Variants in SSX2IP observed in about 807,000 individuals in gnomAD.
The protein encoded by SSX2IP is afadin- and alpha-actinin-binding protein.
A neutral mutation model predicts 84.9 loss-of-function variants in SSX2IP; 55 were observed. The ratio of observed to expected loss-of-function variants is 0.65; its 90% CI spans 0.52 to 0.81. SSX2IP has a LOEUF of 0.81. Among genes scored for constraint, SSX2IP ranks in the 30% least tolerant of loss-of-function variants. SSX2IP has a pLI of 0.00. For synonymous variants in SSX2IP, 239 were observed against 234.7 expected, an observed-to-expected ratio of 1.02 and a Z score of -0.17; for missense variants, 664 against 705.2, an observed-to-expected ratio of 0.94 and a Z score of 0.66.
intron 11 of SSX2IP, chr1:84,655,173 A>G (rs934330885): frequency 5.4e-5 from 15 of 278,330 alleles, no homozygotes; most frequent in African/African-American, 3.4e-4. Context: ...GAAATACATT[A>G]AAAGTTAAAA....
chr1:84,672,486 T>C (rs1180236070), intron 1 of SSX2IP, among the ~76,000 whole-genome samples: 1 of 152,182 alleles, frequency 6.6e-6, no homozygotes, highest in South Asian at 2.1e-4. Flanking sequence ...TGAGTGAGTC[T>C]GGGGTGCCAA....
Position 84,650,438 on chromosome 1 carries a change from T to C in SSX2IP, c.1594A>G (p.Lys532Glu), listed in dbSNP as rs1650050784. ...GAAGCAGGAAGAGATTTAGTAAGTTTAGACATGCAAACTGGAGACCCATTA... is the reference window on the plus strand; with the variant it reads ...GAAGCAGGAAGAGATTTAGTAAGTTCAGACATGCAAACTGGAGACCCATTA... ...VSNGSPVCMS[K>E]LTKSLPASPS... Residue 532 changes from lysine to glutamate, a missense_variant, in exon 13 of 14, where the codon AAA (lysine) becomes GAA (glutamate). Coordinates refer to ENST00000342203, the MANE Select transcript of SSX2IP (RefSeq NM_001166293.2). 2 of 1,614,078 alleles carry C rather than the reference T, an allele frequency of 1.2e-6. No homozygotes were observed. Among genetic ancestry groups the C allele is most frequent in the African/African-American group, 1.3e-5 (1 of 74,928 alleles).
rs1652755710 is a variant in SSX2IP, at chr1:84,666,207, T to G, written c.452A>C (p.Glu151Ala). 1 of 1,612,368 alleles carries G rather than the reference T, an allele frequency of 6.2e-7. No homozygotes were observed. Among genetic ancestry groups the G allele is most frequent in the Non-Finnish European group, 8.5e-7 (1 of 1,179,232 alleles). ...GTCTCTTTCCTGAAGCCCAATCATTTCCCTCCTGGAGGTTTCCAGTTGTTC... is the reference window on the plus strand; with the variant it reads ...GTCTCTTTCCTGAAGCCCAATCATTGCCCTCCTGGAGGTTTCCAGTTGTTC... ...LKEQLETSRREMIGLQERDRQ... is the reference protein window; with the variant it reads ...LKEQLETSRRAMIGLQERDRQ... Residue 151 changes from glutamate to alanine, a missense_variant, in exon 5 of 14, where the codon GAA becomes GCA. Physicochemically the swap from Glu to Ala is moderately radical, Grantham distance 107 (BLOSUM62 -1). Coordinates refer to ENST00000342203, the MANE Select transcript of SSX2IP (RefSeq NM_001166293.2).
At chr1:84,663,509 T>C (rs1261310812) in intron 6 of SSX2IP, among the ~76,000 whole-genome samples, 1 of 152,224 alleles carries the variant, frequency 6.6e-6, no homozygotes, top group Non-Finnish European at 1.5e-5. Flanking sequence ...TTACTGAATC[T>C]TCATTTCTAT....
At chr1:84,670,441 C>CA (rs1653403436) in intron 3 of SSX2IP, 2 of 336,818 alleles carry the variant, frequency 5.9e-6, no homozygotes, top group Non-Finnish European at 1.1e-5. Context: ...GCCCCTGGGA[C>CA]AATGAGGAGG....
chr1:84,686,070 G>A (rs550878065), intron 1 of SSX2IP, among the ~76,000 whole-genome samples: 1 of 152,250 alleles, frequency 6.6e-6, no homozygotes, highest in South Asian at 2.1e-4. Flanking sequence ...CTTAATGCTT[G>A]CAAAATAAGT....
chr1:84,653,549 T>C (rs1007074594), intron 11 of SSX2IP, among the ~76,000 whole-genome samples: 13 of 152,136 alleles, frequency 8.5e-5, no homozygotes, highest in Non-Finnish European at 1.5e-4. Context: ...ATATGCAAAG[T>C]AGCAAGAGTA....
intron 13 of SSX2IP, 101 bp from the exon 14 acceptor site, chr1:84,647,708 A>T: frequency 2.2e-6 from 2 of 913,664 alleles, no homozygotes; most frequent in Non-Finnish European, 3.0e-6. Context: ...GTTCCTTTTA[A>T]TTCTAAAAAT....
At chr1:84,687,387 C>T (rs1462511486) in intron 1 of SSX2IP, among the ~76,000 whole-genome samples, 4 of 152,176 alleles carry the variant, frequency 2.6e-5, no homozygotes, top group African/African-American at 9.7e-5. Context: ...ATCTCAGAAT[C>T]CTACATTGCT....
intron 11 of SSX2IP, among the ~76,000 whole-genome samples, chr1:84,652,751 C>G (rs1173576339): frequency 6.6e-6 from 1 of 150,800 alleles, no homozygotes; most frequent in African/African-American, 2.4e-5. Context: ...CACGGCCGGG[C>G]ACGGTGGCTC....
intron 12 of SSX2IP, among the ~76,000 whole-genome samples, chr1:84,651,300 C>T (rs1650212784): frequency 6.6e-6 from 1 of 152,156 alleles, no homozygotes; most frequent in East Asian, 2.0e-4. Flanking sequence ...CAGAGCAAGA[C>T]TACATCTTGA....
At position 84,662,384 on chromosome 1, in the gene SSX2IP, G is replaced by C. The variant is rs370396101; in HGVS notation, c.750-9C>G. 1.0e-4 allele frequency: 167 copies of C among 1,606,726 alleles called. No homozygotes were observed. The highest frequency in any genetic ancestry group is 5.1e-4 in the Admixed American group (30 of 58,676). On this transcript the variant is annotated splice_polypyrimidine_tract_variant and intron_variant, in intron 7 of 13. Coordinates refer to ENST00000342203, the MANE Select transcript of SSX2IP (RefSeq NM_001166293.2). ...ACATTTCATCTTCATTCCTGAGAAA[G>C]AAACTGTCAGTATGAAAATGCAGGA...
Position 84,650,405 on chromosome 1 carries a change from T to C in SSX2IP, c.1627A>G (p.Thr543Ala). ...LTKSLPASPS[T>A]SDFCQTRSCI... ...GAACGTGTCTGGCAAAAGTCTGAAGTGGAAGGTGAAGCAGGAAGAGATTTA... is the reference window on the plus strand; with the variant it reads ...GAACGTGTCTGGCAAAAGTCTGAAGCGGAAGGTGAAGCAGGAAGAGATTTA... The change falls in exon 13 of 14, where the codon ACT (threonine) becomes GCT (alanine). Residue 543 changes from threonine (T) to alanine (A), a missense_variant. By Grantham distance (58) the Thr-to-Ala change is moderately conservative (BLOSUM62 0). Coordinates refer to ENST00000342203, the MANE Select transcript of SSX2IP (RefSeq NM_001166293.2). The C allele has an allele frequency of 6.2e-7, 1 of 1,613,982 alleles. No homozygotes were observed. The highest frequency in any genetic ancestry group is 8.5e-7 in the Non-Finnish European group (1 of 1,179,990).
chr1:84,651,353 T>C (rs1650221039), intron 12 of SSX2IP, among the ~76,000 whole-genome samples: 1 of 152,032 alleles, frequency 6.6e-6, no homozygotes, highest in Admixed American at 6.6e-5. Context: ...CTTCGCATTA[T>C]TACAAACTCA....
rs185554334 is a variant in SSX2IP, at chr1:84,675,323, T to C, written c.-89-4015A>G. On this transcript the variant is annotated intron_variant, in intron 1 of 13. Transcript: ENST00000342203. Reference sequence around the variant, plus strand: ...CCATAGTTACCTTAGGAGAAAAAAGTAAGCAGTGATTCATGTTTTAGTTCA... The same window carrying C: ...CCATAGTTACCTTAGGAGAAAAAAGCAAGCAGTGATTCATGTTTTAGTTCA... Among the ~76,000 whole-genome samples, 106 of 152,292 alleles carry C rather than the reference T, an allele frequency of 7.0e-4. 3 individuals are homozygous for C. In the Middle Eastern group the frequency reaches 0.024, roughly 34 times the overall value.
chr1:84,674,454 C>G (rs1316390193), intron 1 of SSX2IP, among the ~76,000 whole-genome samples: 2 of 152,076 alleles, frequency 1.3e-5, no homozygotes, highest in Non-Finnish European at 2.9e-5. Flanking sequence ...GAGCTAATTT[C>G]ATAATCAACT....
intron 2 of SSX2IP, 130 bp downstream of exon 2, chr1:84,671,043 AAAAT>A: frequency 8.7e-7 from 1 of 1,148,726 alleles, no homozygotes; most frequent in Admixed American, 3.0e-5. Context: ...AGTAGACATG[AAAAT>A]AAGTATTTTA....
chr1:84,669,484 C>CA (rs2102414712), intron 4 of SSX2IP, among the ~76,000 whole-genome samples, 197 bp downstream of exon 4: 1 of 152,120 alleles, frequency 6.6e-6, no homozygotes, highest in East Asian at 1.9e-4. Flanking sequence ...TTAAACAGCT[C>CA]AAAAAATTAA....
At chr1:84,665,010 CGAGTAA>C (rs756357404) in intron 5 of SSX2IP, among the ~76,000 whole-genome samples, 22 of 152,070 alleles carry the variant, frequency 1.4e-4, no homozygotes, top group South Asian at 6.2e-4. Context: ...AAACAATTCT[CGAGTAA>C]GAGTAAGTCC....
Sources: gnomAD v4.1 joint callset for allele counts (sites outside exome capture counted in the v4.1 genomes callset) on GRCh38, gnomAD v4.1.1 for gene constraint, MANE v1.5 for transcripts, NCBI Gene and HGNC (gene_info 2026-07-23, HGNC 2026-07-21) for gene names.